The following AMBRA1 variants were observed in gnomAD, a reference collection of about 807,000 sequenced individuals.
AMBRA1 encodes the protein activating molecule in BECN1-regulated autophagy protein 1.
AMBRA1 carries 47 observed loss-of-function variants against 125.4 expected under a neutral mutation model. The ratio of observed to expected loss-of-function variants is 0.37; its 90% confidence interval spans 0.30 to 0.48. The LOEUF (loss-of-function observed/expected upper bound fraction) is 0.48, where lower values mean the gene tolerates loss of function less well. Ranked by LOEUF, AMBRA1 falls within the 20% of genes least tolerant of loss-of-function variation. The probability of loss-of-function intolerance (pLI) is 0.99; values close to 1 mark genes in which losing one functional copy is unlikely to be tolerated. For missense variants in AMBRA1, 1,331 were observed against 1,693.4 expected (o/e 0.79, Z 3.76); for synonymous variants, 626 against 655.5 (o/e 0.95, Z 0.69).
At chr11:46,537,720 C>T (rs1952546269) in intron 7 of AMBRA1, among the ~76,000 whole-genome samples, 1 of 152,212 alleles carries the variant, frequency 6.6e-6, no homozygotes, top group African/African-American at 2.4e-5. Context: ...CAGCACACAG[C>T]TACACTGAAA....
At chr11:46,568,940 G>C (rs1015451496) in intron 1 of AMBRA1, among the ~76,000 whole-genome samples, 6 of 150,334 alleles carry the variant, frequency 4.0e-5, no homozygotes, top group Non-Finnish European at 8.8e-5. Context: ...CCAAGTTGCT[G>C]AGACTACAGG....
intron 17 of AMBRA1, among the ~76,000 whole-genome samples, chr11:46,400,338 TTC>T (rs956346578): frequency 6.6e-6 from 1 of 152,026 alleles, no homozygotes; most frequent in African/African-American, 2.4e-5. Flanking sequence ...ATCCATCCCC[TTC>T]TCTCTGCCTG....
intron 11 of AMBRA1, among the ~76,000 whole-genome samples, chr11:46,485,567 C>G (rs1022028422): frequency 6.6e-6 from 1 of 152,320 alleles, no homozygotes; most frequent in Non-Finnish European, 1.5e-5. Context: ...AGACAGTAAA[C>G]TCCCTGAGGG....
intron 12 of AMBRA1, among the ~76,000 whole-genome samples, chr11:46,438,035 G>A (rs565448417): frequency 1.2e-4 from 18 of 152,226 alleles, no homozygotes; most frequent in Middle Eastern, 3.4e-3. Flanking sequence ...TGATGTTGCC[G>A]GACTGGGACT....
At chr11:46,481,590 C>T (rs1237275122) in intron 11 of AMBRA1, among the ~76,000 whole-genome samples, 2 of 152,056 alleles carry the variant, frequency 1.3e-5, no homozygotes, top group Non-Finnish European at 2.9e-5. Flanking sequence ...CTCGAACTCC[C>T]GACTTCAGGT....
chr11:46,544,141 A>C, intron 5 of AMBRA1, 100 bp from the exon 6 acceptor site: 6 of 874,616 alleles, frequency 6.9e-6, no homozygotes, highest in Non-Finnish European at 9.2e-6. Flanking sequence ...ATTACTGATA[A>C]CTGGTATCAC....
At chr11:46,427,180 G>T (rs1165787750) in intron 14 of AMBRA1, among the ~76,000 whole-genome samples, 3 of 152,186 alleles carry the variant, frequency 2.0e-5, no homozygotes, top group Admixed American at 1.3e-4. Context: ...TATTTGTGAA[G>T]TTATATAAAT....
chr11:46,530,147 T>C (rs1426839816), intron 7 of AMBRA1, among the ~76,000 whole-genome samples: 1 of 152,180 alleles, frequency 6.6e-6, no homozygotes, highest in African/African-American at 2.4e-5. Context: ...GGGGGAAGAA[T>C]GAGTACACGG....
chr11:46,423,574 G>A (rs1327067753), intron 14 of AMBRA1, among the ~76,000 whole-genome samples: 1 of 151,310 alleles, frequency 6.6e-6, no homozygotes, highest in Non-Finnish European at 1.5e-5. Context: ...TGTATTTTTA[G>A]TAGAGACGGG....
intron 1 of AMBRA1, among the ~76,000 whole-genome samples, chr11:46,588,313 CAG>C (rs2135341243): frequency 6.6e-6 from 1 of 152,244 alleles, no homozygotes; most frequent in East Asian, 1.9e-4. Flanking sequence ...GCCTGGATGA[CAG>C]AGCAAGACTC....
chr11:46,568,644 T>C (rs915943381), intron 1 of AMBRA1, among the ~76,000 whole-genome samples: 10 of 149,674 alleles, frequency 6.7e-5, no homozygotes, highest in Non-Finnish European at 8.9e-5. Flanking sequence ...TGGTGGCACA[T>C]GCCTGTAATC....
intron 1 of AMBRA1, among the ~76,000 whole-genome samples, chr11:46,575,684 T>G (rs191733181): frequency 3.3e-5 from 5 of 152,056 alleles, no homozygotes; most frequent in Admixed American, 2.6e-4. Flanking sequence ...GCCCAACTAA[T>G]TTTTGTATTT....
intron 11 of AMBRA1, among the ~76,000 whole-genome samples, chr11:46,484,416 A>C (rs1300057339): frequency 6.6e-6 from 1 of 152,238 alleles, no homozygotes; most frequent in African/African-American, 2.4e-5. Context: ...TGGCACCTTC[A>C]AAATGAGCAG....
At chr11:46,433,736 T>G in intron 13 of AMBRA1, 108 bp from the exon 14 acceptor site, 1 of 1,192,116 alleles carries the variant, frequency 8.4e-7, no homozygotes. Flanking sequence ...ATTCACTTGC[T>G]CATCCTGGTG....
At chr11:46,480,566 T>G (rs1699984057) in intron 11 of AMBRA1, among the ~76,000 whole-genome samples, 1 of 152,228 alleles carries the variant, frequency 6.6e-6, no homozygotes, top group African/African-American at 2.4e-5. Flanking sequence ...GATCAACATG[T>G]GTACCTTAAA....
intron 1 of AMBRA1, among the ~76,000 whole-genome samples, chr11:46,556,181 C>T (rs892032571): frequency 2.6e-5 from 4 of 152,210 alleles, no homozygotes; most frequent in African/African-American, 7.2e-5. Context: ...GGGTTTTCTA[C>T]GACTGGCAGC....
Position 46,508,227 on chromosome 11 carries a change from G to A in AMBRA1, c.2303C>T (p.Ser768Leu). 6.2e-7 allele frequency: 1 copy of A among 1,614,192 alleles called. No homozygotes were observed. Among genetic ancestry groups the A allele is most frequent in the Non-Finnish European group, 8.5e-7 (1 of 1,180,010 alleles). ...AAATTCCAAGTCGGTTCCCTCTACT[G>A]ATGGACCCTGGTTGTCTGAGGAAGA... Reference protein sequence around the residue: ...SSSSSDNQGPSVEGTDLEFED... With the variant: ...SSSSSDNQGPLVEGTDLEFED... Residue 768 changes from serine (S) to leucine (L), a missense_variant, in exon 9 of 18, where the codon TCA becomes TTA. Around this residue, in one of 4 missense-constraint regions of AMBRA1, gnomAD observed 689 missense variants for 776.5 expected, o/e 0.89. Coordinates refer to ENST00000683756, the MANE Select transcript of AMBRA1 (RefSeq NM_001387011.1).
chr11:46,449,492 G>C lies in AMBRA1; in HGVS notation c.2522-5894C>G, dbSNP rs574690943. ...AAAATATGTACAAGGTCTATAGGAG[G>C]AAAGCTACAAAACTGATGAAAGACA... On this transcript the variant is annotated intron_variant, in intron 11 of 17. Transcript: ENST00000683756. Among the ~76,000 whole-genome samples, 50 of 152,240 alleles carry C rather than the reference G, an allele frequency of 3.3e-4. 1 individual carries two copies. Among genetic ancestry groups the C allele is most frequent in the Admixed American group, 2.9e-3 (45 of 15,292 alleles).
At chr11:46,457,346 G>A (rs1948892232) in intron 11 of AMBRA1, among the ~76,000 whole-genome samples, 1 of 152,124 alleles carries the variant, frequency 6.6e-6, no homozygotes, top group Admixed American at 6.5e-5. Context: ...GGTGGTCAAA[G>A]GTGAGGTTAG....
Sources: allele counts gnomAD v4.1 joint callset (sites outside exome capture counted in the v4.1 genomes callset), GRCh38; gene constraint gnomAD v4.1.1; regional missense constraint gnomAD v4.1.1; transcripts MANE v1.5; gene names NCBI Gene and HGNC (gene_info 2026-07-23, HGNC 2026-07-21).